SLC12A5: variants seen among roughly 807,000 people sequenced by gnomAD.
SLC12A5 encodes the protein solute carrier family 12 member 5.
SLC12A5 carries 18 observed loss-of-function variants against 124.0 expected under a neutral mutation model. The observed-to-expected ratio is 0.15, with a 90% CI of 0.10 to 0.22. The LOEUF (loss-of-function observed/expected upper bound fraction) is 0.22. SLC12A5 is among the 10% of genes least tolerant of loss of function. SLC12A5 has a pLI of 1.00. For synonymous variants in SLC12A5, 589 were observed against 568.0 expected, an observed-to-expected ratio of 1.04 and a Z score of -0.53; for missense variants, 867 against 1,478.7, an observed-to-expected ratio of 0.59 and a Z score of 6.78.
chr20:46,057,599 C>T lies in SLC12A5; in HGVS notation c.3345C>T (p.Tyr1115=). The change falls in exon 26 of 26, where the codon TAC becomes TAT. Residue 1115 remains tyrosine (Y), a synonymous_variant. Coordinates refer to ENST00000243964, the MANE Select transcript of SLC12A5 (RefSeq NM_020708.5). This position sits in a 1 kb window ranked among gnomAD's most constrained non-coding sequence, Gnocchi z 7.1. ...GCGGCCGCGAGGTCATCACCATCTA[C>T]TCCTGAGAACCAGGACCTGCCACCC... ...RGGGREVITI[Y]S is the part of the protein sequence containing the mutation. 6.2e-7 allele frequency: 1 copy of T among 1,613,274 alleles called. No individual in the cohort carries two copies. Among genetic ancestry groups the T allele is most frequent in the Non-Finnish European group, 8.5e-7 (1 of 1,179,578 alleles).
At chr20:46,047,861 C>T (rs1721004757) in intron 15 of SLC12A5, 120 bp from the exon 16 acceptor site, 2 of 991,598 alleles carry the variant, frequency 2.0e-6, no homozygotes, top group Non-Finnish European at 3.0e-6. Context: ...AGGAGTGATA[C>T]ACATGTCCTT....
Position 46,040,514 on chromosome 20 carries a change from G to C in SLC12A5, c.754G>C (p.Val252Leu). 1 of 1,614,228 alleles carries C rather than the reference G, an allele frequency of 6.2e-7. No individual in the cohort carries two copies. Among genetic ancestry groups the C allele is most frequent in the Non-Finnish European group, 8.5e-7 (1 of 1,180,044 alleles). The change falls in exon 7 of 26, where the codon GTC becomes CTC. Residue 252 changes from valine (V) to leucine (L), a missense_variant. Coordinates refer to ENST00000243964, the MANE Select transcript of SLC12A5 (RefSeq NM_020708.5). Reference sequence around the variant, plus strand: ...TGTGGTGTTTGTGGGTGTCAAGTATGTCAACAAGTTTGCCCTTGTCTTCCT... The same window carrying C: ...TGTGGTGTTTGTGGGTGTCAAGTATCTCAACAAGTTTGCCCTTGTCTTCCT... ...ATVVFVGVKYVNKFALVFLGC... is the reference protein window; with the variant it reads ...ATVVFVGVKYLNKFALVFLGC...
upstream of SLC12A5, among the ~76,000 whole-genome samples, chr20:46,028,401 G>C (rs2084416594): frequency 1.3e-5 from 2 of 152,092 alleles, no homozygotes; most frequent in Admixed American, 1.3e-4. Context: ...CTCCTCACCA[G>C]GTCTTATCTC....
upstream of SLC12A5, among the ~76,000 whole-genome samples, chr20:46,026,442 G>A (rs1017193685): frequency 6.6e-6 from 1 of 152,240 alleles, no homozygotes; most frequent in African/African-American, 2.4e-5. Context: ...CAGGCTGGCA[G>A]TGTGGTGGGT....
Position 46,035,821 on chromosome 20 carries a change from G to A in SLC12A5, c.324G>A (p.Leu108=). The change falls in exon 4 of 26, where the codon CTG becomes CTA. Residue 108 remains leucine (L), a synonymous_variant. Coordinates refer to ENST00000243964, the MANE Select transcript of SLC12A5 (RefSeq NM_020708.5). ...TCATGGGCGTGTACCTGCCGTGCCT[G>A]CAGAACATCTTTGGCGTCATCCTCT... ...GTFMGVYLPC[L]QNIFGVILFL... 1 of 1,614,108 alleles carries A rather than the reference G, an allele frequency of 6.2e-7. No homozygotes were observed. Among genetic ancestry groups the A allele is most frequent in the East Asian group, 2.2e-5 (1 of 44,886 alleles).
rs376057527 is a variant in SLC12A5 at position 46,035,456 on chromosome 20, A to G, written c.200A>G (p.Asn67Ser). 1.2e-6 allele frequency: 2 copies of G among 1,613,842 alleles called. No homozygotes were observed. Among genetic ancestry groups the G allele is most frequent in the Non-Finnish European group, 1.7e-6 (2 of 1,179,956 alleles). ...MVSSLLSGLA[N>S]YTNLPQGSRE... ...TCCTCCTTGCTCAGTGGCCTGGCCA[A>G]CTACACCAACCTGCCCCAGGGAAGT... The change falls in exon 3 of 26, where the codon AAC becomes AGC. Residue 67 changes from asparagine (N) to serine (S), a missense_variant. Asn to Ser is a conservative substitution (Grantham distance 46). Around this residue, in one of 9 missense-constraint regions of SLC12A5, gnomAD observed 126 missense variants for 291.6 expected, o/e 0.43. Coordinates refer to ENST00000243964, the MANE Select transcript of SLC12A5 (RefSeq NM_020708.5).
At chr20:46,036,015 T>C (rs1395863019) in intron 4 of SLC12A5, 92 bp downstream of exon 4, 6 of 1,458,946 alleles carry the variant, frequency 4.1e-6, no homozygotes, top group African/African-American at 2.8e-5. Flanking sequence ...GCATGAGACC[T>C]GAGCTTTTTA....
At chr20:46,022,751 A>G in intron 1 of SLC12A5, 1 of 397,980 alleles carries the variant, frequency 2.5e-6, no homozygotes, top group Non-Finnish European at 4.4e-6. Context: ...AGGGTCTTGT[A>G]ATGGAAGTTA....
intron 2 of SLC12A5, chr20:46,023,083 C>T (rs1368797939): frequency 5.0e-6 from 2 of 399,956 alleles, no homozygotes; most frequent in Non-Finnish European, 8.8e-6. Context: ...TGAGCTCGCC[C>T]CGAAGCAAAC....
chr20:46,040,237 TC>T (rs1568860942), intron 6 of SLC12A5, 135 bp from the exon 7 acceptor site: 5 of 1,294,828 alleles, frequency 3.9e-6, no homozygotes, highest in Non-Finnish European at 5.4e-6. Context: ...TTAGCGATTC[TC>T]CTATTACTGG....
At chr20:46,022,398 T>TG (rs1212950697) in intron 1 of SLC12A5, among the ~76,000 whole-genome samples, 70 of 52,028 alleles carry the variant, frequency 1.3e-3, no homozygotes, top group Middle Eastern at 0.026. Flanking sequence ...GCCAGGAGGA[T>TG]GGGAGTGGGG....
chr20:46,031,313 A>T (rs1016306288), intron 1 of SLC12A5, among the ~76,000 whole-genome samples: 1 of 152,132 alleles, frequency 6.6e-6, no homozygotes, highest in African/African-American at 2.4e-5. Context: ...TTCTTTCTAT[A>T]CATAGGGTCC....
Position 46,056,339 on chromosome 20 carries a change from C to G in SLC12A5, c.2911-26C>G, listed in dbSNP as rs2297201. 1 of 1,608,456 alleles carries G rather than the reference C, an allele frequency of 6.2e-7. No homozygotes were observed. The highest frequency in any genetic ancestry group is 8.5e-7 in the Non-Finnish European group (1 of 1,176,676). On this transcript the variant is annotated intron_variant, in intron 22 of 25. Coordinates refer to ENST00000243964, the MANE Select transcript of SLC12A5 (RefSeq NM_020708.5). The surrounding 1 kb of genome is among the most constrained non-coding windows in gnomAD (Gnocchi z 4.3). Reference sequence around the variant, plus strand: ...AGCCCTTGGCCTCCAAAGGACTCAACTGCCATCGCTTCATTCATCCCTCAG... The same window carrying G: ...AGCCCTTGGCCTCCAAAGGACTCAAGTGCCATCGCTTCATTCATCCCTCAG...
chr20:46,022,998 G>GGAGGAA, exon 2 of SLC12A5: 1 of 403,626 alleles, frequency 2.5e-6, no homozygotes, highest in South Asian at 1.2e-4. Flanking sequence ...AGGAAGAGGA[G>GGAGGAA]GAGGAAGAGG....
Position 46,051,894 on chromosome 20 carries a change from C to G in SLC12A5, c.2377+24C>G, listed in dbSNP as rs373707448. On this transcript the variant is annotated intron_variant, in intron 18 of 25. Coordinates refer to ENST00000243964, the MANE Select transcript of SLC12A5 (RefSeq NM_020708.5). ...TGGTAACGCTATTGGGGGCTGGGGA[C>G]AGAAGAGGGGTGGGGCTGGGGGCTG... The G allele has an allele frequency of 2.6e-5, 22 of 843,688 alleles. No individual in the cohort carries two copies. In the African/African-American group the frequency reaches 4.8e-4, roughly 19 times the overall value. The allele number at this position is 843,688 out of a possible 1,614,324, so 52.3% of individuals were successfully genotyped here. A position where few individuals can be genotyped will look rare whatever the true frequency, so the allele number is the denominator to read the frequency against.
At position 46,047,097 on chromosome 20, in the gene SLC12A5, G is replaced by A. The variant is rs142787437; in HGVS notation, c.1788-357G>A. On this transcript the variant is annotated intron_variant, in intron 14 of 25. Coordinates refer to ENST00000243964, the MANE Select transcript of SLC12A5 (RefSeq NM_020708.5). ...CTGCCCACTCCTGTCTGGATGCTCC[G>A]GCTTTGCTGGTGGCCTTCTCCTGGG... is the stretch of plus-strand genomic sequence containing the variant. 1.2e-4 allele frequency among the ~76,000 whole-genome samples: 18 copies of A among 152,326 alleles called. No homozygotes were observed. The East Asian group carries it at 2.9e-3, about 24-fold the overall frequency.
Position 46,040,510 on chromosome 20 carries a change from G to C in SLC12A5, c.750G>C (p.Lys250Asn). ...CMATVVFVGV[K>N]YVNKFALVFL... ...CCACTGTGGTGTTTGTGGGTGTCAA[G>C]TATGTCAACAAGTTTGCCCTTGTCT... The change falls in exon 7 of 26, where the codon AAG becomes AAC. Residue 250 changes from lysine (K) to asparagine (N), a missense_variant. Coordinates refer to ENST00000243964, the MANE Select transcript of SLC12A5 (RefSeq NM_020708.5). 1 of 1,614,236 alleles carries C rather than the reference G, an allele frequency of 6.2e-7. No individual in the cohort carries two copies. The highest frequency in any genetic ancestry group is 8.5e-7 in the Non-Finnish European group (1 of 1,180,054).
chr20:46,033,382 G>T (rs1032896629), intron 1 of SLC12A5, among the ~76,000 whole-genome samples: 1 of 152,126 alleles, frequency 6.6e-6, no homozygotes, highest in Non-Finnish European at 1.5e-5. Context: ...ATTGAGGAAG[G>T]GTCATGGCTG....
At chr20:46,040,910 T>C in intron 7 of SLC12A5, 1 of 456,214 alleles carries the variant, frequency 2.2e-6, no homozygotes, top group African/African-American at 2.0e-5. Flanking sequence ...CTGTCTGTGG[T>C]AGGGAAACCT....
Sources: allele counts gnomAD v4.1 joint callset (sites outside exome capture counted in the v4.1 genomes callset), GRCh38; gene constraint gnomAD v4.1.1; regional missense constraint gnomAD v4.1.1; non-coding constraint Gnocchi (gnomAD v3.1); transcripts MANE v1.5; gene names NCBI Gene and HGNC (gene_info 2026-07-23, HGNC 2026-07-21).